The following SGCZ variants were observed in gnomAD, a reference collection of about 807,000 sequenced individuals.
The protein encoded by SGCZ is sarcoglycan zeta.
Under a neutral mutation model 41.3 loss-of-function variants are expected in SGCZ, and 40 were observed. That is an observed-to-expected ratio of 0.97 (90% confidence interval 0.75 to 1.26). SGCZ has a LOEUF of 1.26. Ranked by LOEUF, SGCZ falls within the 50% of genes most tolerant of loss-of-function variation. The probability of loss-of-function intolerance (pLI) is 0.00; values close to 1 mark genes in which losing one functional copy is unlikely to be tolerated. For synonymous variants in SGCZ, 206 were observed against 137.5 expected (o/e 1.50, Z -3.49); for missense variants, 552 against 369.8 (o/e 1.49, Z -4.04).
chr8:14,276,736 C>A (rs1800247652), intron 3 of SGCZ, among the ~76,000 whole-genome samples: 2 of 152,136 alleles, frequency 1.3e-5, no homozygotes, highest in African/African-American at 4.8e-5. Flanking sequence ...TAATTCTACG[C>A]CACCACTCTG....
At chr8:14,120,334 C>T (rs988047620) in intron 5 of SGCZ, among the ~76,000 whole-genome samples, 2 of 152,092 alleles carry the variant, frequency 1.3e-5, no homozygotes, top group African/African-American at 4.8e-5. Flanking sequence ...ATAATTGTCA[C>T]TGTTTAGGAA....
chr8:14,455,629 T>A (rs896947452), intron 2 of SGCZ, among the ~76,000 whole-genome samples: 1 of 152,182 alleles, frequency 6.6e-6, no homozygotes. Context: ...CATACCCCAA[T>A]AATATGGAAA....
intron 3 of SGCZ, among the ~76,000 whole-genome samples, chr8:14,261,554 C>T (rs757365820): frequency 2.5e-4 from 38 of 152,090 alleles, no homozygotes; most frequent in Non-Finnish European, 4.9e-4. Context: ...AAGAACAATG[C>T]AAAACCAGTC....
At chr8:15,161,329 C>T (rs1216814348) in intron 1 of SGCZ, among the ~76,000 whole-genome samples, 2 of 152,146 alleles carry the variant, frequency 1.3e-5, no homozygotes, top group Admixed American at 6.5e-5. Context: ...AAAATTTCAG[C>T]TTTCTCATTT....
chr8:14,509,903 C>G (rs28654177), intron 2 of SGCZ, among the ~76,000 whole-genome samples: 1 of 151,984 alleles, frequency 6.6e-6, no homozygotes, highest in African/African-American at 2.4e-5. Context: ...CACTCACTAT[C>G]ACAAGAACAG....
chr8:15,123,431 T>G (rs1449297776), intron 1 of SGCZ, among the ~76,000 whole-genome samples: 1 of 152,178 alleles, frequency 6.6e-6, no homozygotes, highest in African/African-American at 2.4e-5. Context: ...CAGTGCTCAG[T>G]AATTTTTTGG....
chr8:15,211,677 T>C (rs1378081428), intron 1 of SGCZ, among the ~76,000 whole-genome samples: 2 of 152,186 alleles, frequency 1.3e-5, no homozygotes, highest in Non-Finnish European at 2.9e-5. Context: ...CTCTAGATCC[T>C]ATTATCGCCC....
chr8:14,594,777 T>C lies in SGCZ; in HGVS notation c.40-39851A>G, dbSNP rs562086640. On this transcript the variant is annotated intron_variant, in intron 1 of 7. Transcript: ENST00000382080. ...TGTGTAAATACTATTACGTGAATTCTAGTAATTCAGTGTTTCCTGATTAAA... is the reference window on the plus strand; with the variant it reads ...TGTGTAAATACTATTACGTGAATTCCAGTAATTCAGTGTTTCCTGATTAAA... Among the ~76,000 whole-genome samples the C allele has an allele frequency of 3.3e-5, 5 of 152,042 alleles. No individual in the cohort carries two copies. The South Asian group carries it at 1.0e-3, about 31-fold the overall frequency.
intron 1 of SGCZ, among the ~76,000 whole-genome samples, chr8:14,973,727 A>T (rs774548881): frequency 4.1e-4 from 63 of 152,312 alleles, no homozygotes; most frequent in Middle Eastern, 6.8e-3. Context: ...AGTTGCTGAG[A>T]CATTTGATAA....
rs141200005 is a variant in SGCZ at position 14,092,229 on chromosome 8, T to G, written c.745-1592A>C. Among the ~76,000 whole-genome samples, 1,499 of 152,184 alleles carry G rather than the reference T, an allele frequency of 9.8e-3. 25 individuals are homozygous for G. Among genetic ancestry groups the G allele is most frequent in the African/African-American group, 0.034 (1,422 of 41,524 alleles). On this transcript the variant is annotated intron_variant, in intron 7 of 7. Transcript: ENST00000382080. ...TGTTTTGGTTACTGTAGCCTTGTAT[T>G]ATAGTTTGAAATCAGGTAGCGTGAT...
At chr8:14,874,857 G>A (rs2130710210) in intron 1 of SGCZ, among the ~76,000 whole-genome samples, 1 of 152,240 alleles carries the variant, frequency 6.6e-6, no homozygotes, top group African/African-American at 2.4e-5. Context: ...ATCCATTCAA[G>A]CAGTATCCCA....
intron 2 of SGCZ, among the ~76,000 whole-genome samples, chr8:14,475,747 A>G (rs1257665382): frequency 6.6e-6 from 1 of 152,200 alleles, no homozygotes; most frequent in Non-Finnish European, 1.5e-5. Flanking sequence ...GACAAGTTCC[A>G]TATCAATGAT....
intron 1 of SGCZ, among the ~76,000 whole-genome samples, chr8:15,124,120 G>A (rs1441134136): frequency 6.6e-6 from 1 of 152,204 alleles, no homozygotes; most frequent in East Asian, 1.9e-4. Flanking sequence ...CGGCTGTGAT[G>A]TGGCGAATGA....
At chr8:14,939,959 A>C (rs1800214547) in intron 1 of SGCZ, among the ~76,000 whole-genome samples, 1 of 152,182 alleles carries the variant, frequency 6.6e-6, no homozygotes, top group Admixed American at 6.6e-5. Flanking sequence ...TTTCATTGAA[A>C]CATCTATTTC....
intron 3 of SGCZ, among the ~76,000 whole-genome samples, chr8:14,273,658 G>C (rs964603630): frequency 8.5e-5 from 13 of 152,154 alleles, no homozygotes; most frequent in African/African-American, 2.9e-4. Flanking sequence ...AAAGGTCTGG[G>C]ATAACATACA....
intron 5 of SGCZ, among the ~76,000 whole-genome samples, chr8:14,151,217 G>A (rs1448763264): frequency 6.6e-6 from 1 of 152,078 alleles, no homozygotes; most frequent in Non-Finnish European, 1.5e-5. Context: ...TTGAGGGCAT[G>A]AATACTCCAT....
chr8:14,743,892 C>T (rs928116804), intron 1 of SGCZ, among the ~76,000 whole-genome samples: 2 of 151,944 alleles, frequency 1.3e-5, no homozygotes, highest in African/African-American at 4.8e-5. Flanking sequence ...GATTAAATCC[C>T]GTGGAGAATT....
intron 1 of SGCZ, among the ~76,000 whole-genome samples, chr8:15,181,671 A>T (rs1458058112): frequency 1.3e-5 from 2 of 152,218 alleles, no homozygotes; most frequent in Admixed American, 1.3e-4. Flanking sequence ...AAAGTCACCT[A>T]AAAAGCAGAT....
intron 1 of SGCZ, among the ~76,000 whole-genome samples, chr8:14,718,579 T>C (rs975480218): frequency 2.6e-5 from 4 of 151,998 alleles, no homozygotes; most frequent in African/African-American, 9.7e-5. Context: ...TTTAGTAAAC[T>C]ATACATAGCC....
Sources: allele counts gnomAD v4.1 joint callset (sites outside exome capture counted in the v4.1 genomes callset), GRCh38; gene constraint gnomAD v4.1.1; transcripts MANE v1.5; gene names NCBI Gene and HGNC (gene_info 2026-07-23, HGNC 2026-07-21).